The following PARD3 variants were observed in gnomAD, a reference collection of about 807,000 sequenced individuals.
PARD3 encodes the protein par-3 family cell polarity regulator, also known as partitioning defective 3 homolog.
In PARD3, 75 loss-of-function variants were observed where a neutral mutation model predicts 155.4. That is an observed-to-expected ratio of 0.48 (90% CI 0.40 to 0.58). PARD3 has a LOEUF of 0.58. Among genes scored for constraint, PARD3 ranks in the 20% least tolerant of loss-of-function variants. The pLI is 0.00. For synonymous variants in PARD3, 576 were observed against 610.5 expected, an observed-to-expected ratio of 0.94 and a Z score of 0.83; for missense variants, 1,642 against 1,721.7, an observed-to-expected ratio of 0.95 and a Z score of 0.82.
chr10:34,795,470 C>A (rs1842149286), intron 1 of PARD3, among the ~76,000 whole-genome samples: 2 of 151,850 alleles, frequency 1.3e-5, no homozygotes, highest in Non-Finnish European at 2.9e-5. Context: ...ATTAGCCAGG[C>A]ATGGTGGCAC....
intron 21 of PARD3, among the ~76,000 whole-genome samples, chr10:34,273,512 T>C (rs944722876): frequency 1.3e-5 from 2 of 152,160 alleles, no homozygotes; most frequent in Non-Finnish European, 2.9e-5. Context: ...TGTGATGAAA[T>C]AGTTCTGTTT....
chr10:34,123,418 A>G (rs1947110551), intron 23 of PARD3, among the ~76,000 whole-genome samples: 1 of 152,044 alleles, frequency 6.6e-6, no homozygotes, highest in Non-Finnish European at 1.5e-5. Context: ...ATAAAAAAAT[A>G]TTTTCCACAG....
chr10:34,329,497 C>T (rs1257297904), intron 19 of PARD3, among the ~76,000 whole-genome samples: 2 of 152,120 alleles, frequency 1.3e-5, no homozygotes, highest in East Asian at 1.9e-4. Context: ...TCAATAGGGT[C>T]GAAAGCTTAT....
chr10:34,549,360 T>C (rs2084356046), intron 2 of PARD3, among the ~76,000 whole-genome samples: 1 of 152,220 alleles, frequency 6.6e-6, no homozygotes, highest in Non-Finnish European at 1.5e-5. Flanking sequence ...ACATTAAAAA[T>C]ATGTAAAAAC....
At chr10:34,384,000 C>A (rs1842106945) in intron 8 of PARD3, 129 bp downstream of exon 8, 2 of 860,560 alleles carry the variant, frequency 2.3e-6, no homozygotes, top group Non-Finnish European at 3.5e-6. Context: ...TTTTTAAAAG[C>A]TAATGGCAGA....
intron 5 of PARD3, among the ~76,000 whole-genome samples, chr10:34,434,438 T>C (rs1317348769): frequency 6.6e-6 from 1 of 152,192 alleles, no homozygotes; most frequent in African/African-American, 2.4e-5. Context: ...CTCTGACACT[T>C]AGAAAGTTCA....
intron 2 of PARD3, among the ~76,000 whole-genome samples, chr10:34,546,187 G>A (rs2084034185): frequency 6.6e-6 from 1 of 152,028 alleles, no homozygotes; most frequent in Non-Finnish European, 1.5e-5. Context: ...ACATTTTGAA[G>A]TTAACACTCT....
intron 2 of PARD3, among the ~76,000 whole-genome samples, chr10:34,604,309 G>A (rs1373015792): frequency 1.3e-5 from 2 of 152,102 alleles, no homozygotes; most frequent in Non-Finnish European, 2.9e-5. Context: ...GCTGGGGAAG[G>A]CAGATCCACT....
At chr10:34,306,592 T>C (rs1337514216) in intron 20 of PARD3, among the ~76,000 whole-genome samples, 2 of 152,050 alleles carry the variant, frequency 1.3e-5, no homozygotes, top group South Asian at 2.1e-4. Context: ...GAGGTTGCAG[T>C]GAGCTGAAAT....
intron 2 of PARD3, among the ~76,000 whole-genome samples, chr10:34,643,123 G>A (rs1039838216): frequency 3.3e-5 from 5 of 152,220 alleles, no homozygotes; most frequent in Non-Finnish European, 7.3e-5. Context: ...AGCACAGAAG[G>A]CAGCTTGCTC....
At chr10:34,401,679 A>C in intron 6 of PARD3, 147 bp downstream of exon 6, 1 of 674,384 alleles carries the variant, frequency 1.5e-6, no homozygotes, top group Non-Finnish European at 2.7e-6. Flanking sequence ...AAGAGATGAA[A>C]GATGTTCTTT....
At chr10:34,188,866 T>G (rs1207615901) in intron 22 of PARD3, among the ~76,000 whole-genome samples, 1 of 152,004 alleles carries the variant, frequency 6.6e-6, no homozygotes, top group East Asian at 1.9e-4. Flanking sequence ...ACCACAGCAC[T>G]TCTCCCCCCA....
chr10:34,650,592 TGA>T (rs986082107), intron 2 of PARD3, among the ~76,000 whole-genome samples: 2 of 152,184 alleles, frequency 1.3e-5, no homozygotes, highest in African/African-American at 4.8e-5. Context: ...AGACAAAAAC[TGA>T]GTCTTGAGGA....
chr10:34,808,340 T>C (rs557163197), intron 1 of PARD3, among the ~76,000 whole-genome samples: 8 of 144,120 alleles, frequency 5.6e-5, no homozygotes, highest in African/African-American at 1.9e-4. Flanking sequence ...AGAAAAAACT[T>C]GTAAATAATG....
intron 2 of PARD3, among the ~76,000 whole-genome samples, chr10:34,628,842 A>T (rs1209118874): frequency 2.6e-5 from 4 of 152,240 alleles, no homozygotes; most frequent in African/African-American, 9.6e-5. Context: ...ATGACGAACA[A>T]GAAACAAACA....
At chr10:34,445,868 TAA>T (rs1489944909) in intron 5 of PARD3, among the ~76,000 whole-genome samples, 32 of 151,968 alleles carry the variant, frequency 2.1e-4, no homozygotes, top group Admixed American at 2.1e-3. Flanking sequence ...ATCCCTTGCT[TAA>T]CAGATCTGAC....
chr10:34,384,608 G>A (rs964873832), intron 7 of PARD3, among the ~76,000 whole-genome samples: 17 of 152,148 alleles, frequency 1.1e-4, no homozygotes, highest in African/African-American at 4.1e-4. Context: ...AATGGCTTGG[G>A]CAATTTTCTG....
intron 1 of PARD3, among the ~76,000 whole-genome samples, chr10:34,785,670 A>C (rs1419977366): frequency 6.6e-6 from 1 of 152,102 alleles, no homozygotes; most frequent in Non-Finnish European, 1.5e-5. Context: ...CCAGGATTTC[A>C]AAGCTGCAGT....
At chr10:34,592,890 C>T (rs1215085847) in intron 2 of PARD3, among the ~76,000 whole-genome samples, 1 of 152,200 alleles carries the variant, frequency 6.6e-6, no homozygotes, top group African/African-American at 2.4e-5. Flanking sequence ...ACTAGACCTC[C>T]CCAGGATCTT....
Sources: gnomAD v4.1 joint callset for allele counts (sites outside exome capture counted in the v4.1 genomes callset) on GRCh38, gnomAD v4.1.1 for gene constraint, MANE v1.5 for transcripts, NCBI Gene and HGNC (gene_info 2026-07-23, HGNC 2026-07-21) for gene names.